FOXO3: variants seen among roughly 807,000 people sequenced by gnomAD.
FOXO3 encodes forkhead box O3, also known as forkhead box protein O3.
In FOXO3, 4 loss-of-function variants were observed where a neutral mutation model predicts 41.9. That is an observed-to-expected ratio of 0.10 (90% confidence interval 0.05 to 0.22). The LOEUF (loss-of-function observed/expected upper bound fraction) is 0.22. Among genes scored for constraint, FOXO3 ranks in the 10% least tolerant of loss-of-function variants. The pLI is 1.00. For synonymous variants in FOXO3, 318 were observed against 389.3 expected, an observed-to-expected ratio of 0.82 and a Z score of 2.16; for missense variants, 534 against 906.8, an observed-to-expected ratio of 0.59 and a Z score of 5.28.
At chr6:108,569,528 T>C (rs1776034790) in intron 1 of FOXO3, among the ~76,000 whole-genome samples, 1 of 152,252 alleles carries the variant, frequency 6.6e-6, no homozygotes, top group Non-Finnish European at 1.5e-5. Context: ...TCCTGAGTTT[T>C]TGAGGTTTTA....
intron 1 of FOXO3, among the ~76,000 whole-genome samples, chr6:108,614,386 A>AT (rs1315229112): frequency 6.6e-6 from 1 of 152,116 alleles, no homozygotes; most frequent in Admixed American, 6.5e-5. Flanking sequence ...TGCTTTATGT[A>AT]TTTTGAAAAT....
At chr6:108,567,162 C>T (rs894789175) in intron 1 of FOXO3, among the ~76,000 whole-genome samples, 3 of 152,188 alleles carry the variant, frequency 2.0e-5, no homozygotes, top group African/African-American at 4.8e-5. Context: ...TGTATTTCTG[C>T]TTTCTCTAGT....
chr6:108,588,772 C>G (rs1776655998), intron 1 of FOXO3, among the ~76,000 whole-genome samples: 1 of 152,168 alleles, frequency 6.6e-6, no homozygotes, highest in Non-Finnish European at 1.5e-5. Flanking sequence ...TGGGCCTTGC[C>G]CTCTCACTCC....
intron 1 of FOXO3, among the ~76,000 whole-genome samples, chr6:108,636,547 C>T (rs1778127871): frequency 6.6e-6 from 1 of 152,102 alleles, no homozygotes; most frequent in South Asian, 2.1e-4. Context: ...TCAGCACTCA[C>T]ATGCTAGTAT....
intron 1 of FOXO3, among the ~76,000 whole-genome samples, chr6:108,573,967 G>T (rs1582735359): frequency 6.7e-6 from 1 of 150,348 alleles, no homozygotes; most frequent in South Asian, 2.1e-4. Flanking sequence ...GCCTGACCAA[G>T]ATGGTGAAAT....
At chr6:108,565,786 G>T (rs1208620019) in intron 1 of FOXO3, among the ~76,000 whole-genome samples, 1 of 152,160 alleles carries the variant, frequency 6.6e-6, no homozygotes, top group African/African-American at 2.4e-5. Context: ...CACTGTTTCT[G>T]TTCTTTAGAT....
chr6:108,635,643 TAG>T (rs1265550542), intron 1 of FOXO3, among the ~76,000 whole-genome samples: 3 of 152,162 alleles, frequency 2.0e-5, no homozygotes, highest in Non-Finnish European at 4.4e-5. Context: ...GCCTTTCTGC[TAG>T]AGAGGCACAT....
intron 1 of FOXO3, among the ~76,000 whole-genome samples, chr6:108,571,425 A>C (rs1562228359): frequency 6.6e-6 from 1 of 152,138 alleles, no homozygotes; most frequent in East Asian, 1.9e-4. Context: ...TCTTCCTGGA[A>C]CTTTAGAATG....
At chr6:108,631,059 A>G (rs1777960510) in intron 1 of FOXO3, among the ~76,000 whole-genome samples, 1 of 152,192 alleles carries the variant, frequency 6.6e-6, no homozygotes, top group Non-Finnish European at 1.5e-5. Context: ...AATGTATTAA[A>G]TTATACTGCT....
chr6:108,675,149 T>C (rs999269543), intron 2 of FOXO3, among the ~76,000 whole-genome samples: 7 of 152,152 alleles, frequency 4.6e-5, no homozygotes, highest in African/African-American at 1.7e-4. Flanking sequence ...TAGTTTAAGA[T>C]AGGGCATTCT....
chr6:108,672,676 G>T (rs1779248919), intron 2 of FOXO3, among the ~76,000 whole-genome samples: 1 of 152,098 alleles, frequency 6.6e-6, no homozygotes, highest in African/African-American at 2.4e-5. Flanking sequence ...GACAGTCTTG[G>T]TTTGATTGAA....
chr6:108,656,514 T>TA (rs1731034799), intron 1 of FOXO3: 2 of 985,308 alleles, frequency 2.0e-6, no homozygotes, highest in Non-Finnish European at 2.4e-6. Context: ...CCTTTTGGCT[T>TA]AAAGTATATG....
chr6:108,598,455 G>A (rs1228426672), intron 1 of FOXO3, among the ~76,000 whole-genome samples: 1 of 152,118 alleles, frequency 6.6e-6, no homozygotes, highest in Non-Finnish European at 1.5e-5. Context: ...CCACAAGCAG[G>A]ATACATAAAA....
At chr6:108,603,400 T>C (rs1777108240) in intron 1 of FOXO3, among the ~76,000 whole-genome samples, 2 of 152,218 alleles carry the variant, frequency 1.3e-5, no homozygotes, top group Non-Finnish European at 2.9e-5. Context: ...AGCTAAAGAC[T>C]AATGAGTGTA....
At chr6:108,655,602 G>C (rs1366472994) in intron 1 of FOXO3, among the ~76,000 whole-genome samples, 1 of 151,414 alleles carries the variant, frequency 6.6e-6, no homozygotes, top group Non-Finnish European at 1.5e-5. Flanking sequence ...TGGGATGTGA[G>C]TGTTTAAAGT....
chr6:108,632,652 A>G (rs955463285), intron 1 of FOXO3, among the ~76,000 whole-genome samples: 2 of 152,186 alleles, frequency 1.3e-5, no homozygotes, highest in African/African-American at 4.8e-5. Flanking sequence ...ATGGTAATAG[A>G]GAAAGCTGGC....
In FOXO3 at chr6:108,680,818, A is replaced by T. The variant is rs1770821811; in HGVS notation, c.*1026A>T. 1 of 152,060 alleles carries T rather than the reference A, an allele frequency of 6.6e-6. No individual in the cohort carries two copies. The highest frequency in any genetic ancestry group is 6.6e-5 in the Admixed American group (1 of 15,254). The allele number at this position is 152,060 out of a possible 1,614,324, so 9.4% of individuals were successfully genotyped here. Reference sequence around the variant, plus strand: ...ACAAATGAACTTACAGGTGAGCATTAAGCTTGCAGTGAGAAATGTGCGAAG... The same window carrying T: ...ACAAATGAACTTACAGGTGAGCATTTAGCTTGCAGTGAGAAATGTGCGAAG... On this transcript the variant is annotated 3_prime_UTR_variant, in exon 3 of 3. Transcript: ENST00000406360.
chr6:108,634,893 G>A (rs954616447), intron 1 of FOXO3, among the ~76,000 whole-genome samples: 26 of 151,908 alleles, frequency 1.7e-4, no homozygotes, highest in Non-Finnish European at 2.9e-4. Flanking sequence ...AAAAATATGC[G>A]AGCAGTATTA....
At chr6:108,562,412 C>T (rs138567442) in intron 1 of FOXO3, among the ~76,000 whole-genome samples, 11 of 152,218 alleles carry the variant, frequency 7.2e-5, no homozygotes, top group African/African-American at 2.6e-4. Context: ...TTTTCCTGGA[C>T]GGCTTCCTTT....
Sources: gnomAD v4.1 joint callset for allele counts (sites outside exome capture counted in the v4.1 genomes callset) on GRCh38, gnomAD v4.1.1 for gene constraint, MANE v1.5 for transcripts, NCBI Gene and HGNC (gene_info 2026-07-23, HGNC 2026-07-21) for gene names.